The following RNF6 variants were observed in gnomAD, a reference collection of about 807,000 sequenced individuals.
The protein encoded by RNF6 is E3 ubiquitin-protein ligase RNF6.
RNF6 carries 21 observed loss-of-function variants against 50.1 expected under a neutral mutation model. The observed-to-expected ratio is 0.42, with a 90% CI of 0.30 to 0.60. The LOEUF is 0.60. Among genes scored for constraint, RNF6 ranks in the 20% least tolerant of loss-of-function variants. The pLI is 0.20. For synonymous variants in RNF6, 255 were observed against 291.8 expected (o/e 0.87, Z 1.29); for missense variants, 698 against 838.2 (o/e 0.83, Z 2.07).
chr13:26,132,185 T>G (rs1332083673), exon 6 of RNF6: 1 of 222,084 alleles, frequency 4.5e-6, no homozygotes, highest in East Asian at 1.1e-4. Context: ...ATTCCATAGA[T>G]GCTTCAGGGT....
chr13:26,205,794 G>T (rs1397696850), intron 5 of RNF6, among the ~76,000 whole-genome samples: 1 of 152,180 alleles, frequency 6.6e-6, no homozygotes, highest in Non-Finnish European at 1.5e-5. Flanking sequence ...CAGGAGGATC[G>T]CTTGAGTCCA....
chr13:26,167,725 T>C (rs1872518240), intron 5 of RNF6, among the ~76,000 whole-genome samples: 1 of 152,200 alleles, frequency 6.6e-6, no homozygotes, highest in South Asian at 2.1e-4. Flanking sequence ...TATAAATTGT[T>C]CTACCATAAA....
At chr13:26,187,487 C>G (rs770769127) in intron 5 of RNF6, among the ~76,000 whole-genome samples, 1 of 152,194 alleles carries the variant, frequency 6.6e-6, no homozygotes, top group Non-Finnish European at 1.5e-5. Flanking sequence ...GACCACCCTT[C>G]CCTGGCCCCC....
chr13:26,155,412 A>G (rs563340235), intron 5 of RNF6, among the ~76,000 whole-genome samples: 2 of 152,272 alleles, frequency 1.3e-5, no homozygotes, highest in African/African-American at 4.8e-5. Flanking sequence ...AAAATCAGAA[A>G]GACTAAAATC....
At chr13:26,177,863 C>T (rs992718862) in intron 5 of RNF6, among the ~76,000 whole-genome samples, 1 of 152,202 alleles carries the variant, frequency 6.6e-6, no homozygotes, top group African/African-American at 2.4e-5. Context: ...CTTTCTAAAA[C>T]ACAAATATGA....
intron 5 of RNF6, among the ~76,000 whole-genome samples, chr13:26,180,440 A>G (rs1180649285): frequency 1.3e-5 from 2 of 152,116 alleles, no homozygotes; most frequent in African/African-American, 4.8e-5. Flanking sequence ...GGTGACAGGT[A>G]CTCTGCAGCC....
At chr13:26,185,442 T>C (rs1287730197) in intron 5 of RNF6, among the ~76,000 whole-genome samples, 1 of 152,090 alleles carries the variant, frequency 6.6e-6, no homozygotes, top group Admixed American at 6.6e-5. Flanking sequence ...GAAGTGCATT[T>C]TTTTTAAAAA....
chr13:26,206,906 C>A (rs1181610699), intron 5 of RNF6, among the ~76,000 whole-genome samples: 1 of 141,188 alleles, frequency 7.1e-6, no homozygotes, highest in East Asian at 2.0e-4. Flanking sequence ...TTCATGGGCC[C>A]CTTCCTCCTT....
At chr13:26,160,215 G>A (rs888664423) in intron 5 of RNF6, among the ~76,000 whole-genome samples, 4 of 152,072 alleles carry the variant, frequency 2.6e-5, no homozygotes, top group South Asian at 2.1e-4. Context: ...TGTGCAGTTC[G>A]ATAAACACAG....
At chr13:26,210,461 TTC>T (rs1869278582), downstream of RNF6, among the ~76,000 whole-genome samples, 1 of 152,206 alleles carries the variant, frequency 6.6e-6, no homozygotes, top group Admixed American at 6.5e-5. Context: ...ATTCATCTCT[TTC>T]CTGGATTCAT....
chr13:26,148,979 G>T (rs552911535), intron 5 of RNF6, among the ~76,000 whole-genome samples: 6 of 151,714 alleles, frequency 4.0e-5, no homozygotes, highest in Non-Finnish European at 8.8e-5. Flanking sequence ...ATCTATTCAG[G>T]CCTGTAATTG....
At chr13:26,216,857 A>C (rs1869930798) in intron 4 of RNF6, among the ~76,000 whole-genome samples, 1 of 152,204 alleles carries the variant, frequency 6.6e-6, no homozygotes, top group Non-Finnish European at 1.5e-5. Flanking sequence ...CAGGAGGCTG[A>C]GGCAGGAGAA....
At chr13:26,170,563 A>C (rs948824435) in intron 5 of RNF6, among the ~76,000 whole-genome samples, 3 of 152,216 alleles carry the variant, frequency 2.0e-5, no homozygotes, top group Non-Finnish European at 2.9e-5. Flanking sequence ...AATAAAGCCC[A>C]GATCATCTTA....
At chr13:26,163,311 CAA>C (rs558036974) in intron 5 of RNF6, among the ~76,000 whole-genome samples, 4 of 138,706 alleles carry the variant, frequency 2.9e-5, no homozygotes, top group African/African-American at 7.9e-5. Flanking sequence ...GACTCCGTCT[CAA>C]AAAAAAAAAA....
chr13:26,154,825 C>T (rs569774761), intron 5 of RNF6, among the ~76,000 whole-genome samples: 1 of 152,072 alleles, frequency 6.6e-6, no homozygotes, highest in African/African-American at 2.4e-5. Context: ...AGGTCAGGAG[C>T]TTGAGACCAG....
exon 6 of RNF6, chr13:26,132,351 C>T (rs1181257238): frequency 9.4e-6 from 4 of 425,078 alleles, no homozygotes; most frequent in African/African-American, 2.1e-5. Context: ...CAGGTTCCAG[C>T]GAAGCTATTG....
chr13:26,192,104 G>A (rs1868487070), intron 5 of RNF6, among the ~76,000 whole-genome samples: 1 of 152,244 alleles, frequency 6.6e-6, no homozygotes, highest in African/African-American at 2.4e-5. Context: ...ATGAGATCAT[G>A]TAGAAGTTTG....
At chr13:26,193,888 A>G (rs1295405355) in intron 5 of RNF6, among the ~76,000 whole-genome samples, 1 of 152,218 alleles carries the variant, frequency 6.6e-6, no homozygotes, top group African/African-American at 2.4e-5. Flanking sequence ...TGAGTGGTAG[A>G]TGTAGTAGCA....
At chr13:26,173,726 G>T (rs1380786998) in intron 5 of RNF6, among the ~76,000 whole-genome samples, 1 of 152,016 alleles carries the variant, frequency 6.6e-6, no homozygotes. Flanking sequence ...GCCAAGGCAG[G>T]CAGATCACAA....
Sources: gnomAD v4.1 joint callset for allele counts (sites outside exome capture counted in the v4.1 genomes callset) on GRCh38, gnomAD v4.1.1 for gene constraint, MANE v1.5 for transcripts, NCBI Gene and HGNC (gene_info 2026-07-23, HGNC 2026-07-21) for gene names.